Variants in NPAS3 observed in about 807,000 individuals in gnomAD.
NPAS3 encodes the protein neuronal PAS domain protein 3.
NPAS3 carries 14 observed loss-of-function variants against 73.1 expected under a neutral mutation model. The ratio of observed to expected loss-of-function variants is 0.19; its 90% CI spans 0.13 to 0.30. The LOEUF (loss-of-function observed/expected upper bound fraction) is 0.30, where lower values mean the gene tolerates loss of function less well. Ranked by LOEUF, NPAS3 falls within the 10% of genes least tolerant of loss-of-function variation. The probability of loss-of-function intolerance (pLI) is 1.00; values close to 1 mark genes in which losing one functional copy is unlikely to be tolerated. For missense variants in NPAS3, 1,096 were observed against 1,250.0 expected (o/e 0.88, Z 1.86); for synonymous variants, 620 against 541.5 (o/e 1.14, Z -2.01).
At chr14:33,704,076 A>G (rs546492689) in intron 6 of NPAS3, among the ~76,000 whole-genome samples, 1 of 152,362 alleles carries the variant, frequency 6.6e-6, no homozygotes, top group Admixed American at 6.5e-5. Flanking sequence ...TCAAAGGACT[A>G]TGTGAGGATG....
intron 5 of NPAS3, among the ~76,000 whole-genome samples, chr14:33,566,228 C>T (rs1267778139): frequency 6.6e-6 from 1 of 150,994 alleles, no homozygotes; most frequent in Admixed American, 6.6e-5. Flanking sequence ...TTGATTTTTC[C>T]CCCCCGAAAA....
chr14:33,108,547 A>T (rs1336545875), intron 2 of NPAS3, among the ~76,000 whole-genome samples: 1 of 152,166 alleles, frequency 6.6e-6, no homozygotes, highest in Non-Finnish European at 1.5e-5. Flanking sequence ...TATGAAATAG[A>T]TGCTGTGAGT....
intron 2 of NPAS3, among the ~76,000 whole-genome samples, chr14:33,069,337 T>G (rs2041399046): frequency 6.6e-6 from 1 of 152,246 alleles, no homozygotes; most frequent in Admixed American, 6.5e-5. Flanking sequence ...GCTATGTGTA[T>G]GTACGGATAA....
chr14:33,698,648 G>A (rs2060450713), intron 6 of NPAS3, among the ~76,000 whole-genome samples: 1 of 152,128 alleles, frequency 6.6e-6, no homozygotes, highest in Non-Finnish European at 1.5e-5. Flanking sequence ...CTAAACGTTA[G>A]CTTTAAAAGC....
At chr14:33,131,038 G>A (rs1383259016) in intron 2 of NPAS3, among the ~76,000 whole-genome samples, 3 of 152,018 alleles carry the variant, frequency 2.0e-5, no homozygotes, top group Admixed American at 1.3e-4. Context: ...CATTCAGCTG[G>A]GCTTTATTAT....
At chr14:33,286,634 A>G (rs1309217685) in intron 3 of NPAS3, among the ~76,000 whole-genome samples, 2 of 151,792 alleles carry the variant, frequency 1.3e-5, no homozygotes, top group African/African-American at 2.4e-5. Flanking sequence ...ATTATAAGTG[A>G]TGATAGCATG....
chr14:33,358,753 G>A (rs775243049), intron 3 of NPAS3, among the ~76,000 whole-genome samples: 42 of 152,278 alleles, frequency 2.8e-4, no homozygotes, highest in African/African-American at 9.4e-4. Flanking sequence ...ACAGATAGGG[G>A]CTCAACAAAT....
intron 6 of NPAS3, among the ~76,000 whole-genome samples, chr14:33,687,009 G>A (rs1451594894): frequency 1.3e-5 from 2 of 152,212 alleles, no homozygotes; most frequent in Non-Finnish European, 2.9e-5. Context: ...TAACCCAGAA[G>A]TGAGTGAATA....
chr14:33,767,232 C>T (rs548800650), intron 7 of NPAS3, among the ~76,000 whole-genome samples: 1 of 152,306 alleles, frequency 6.6e-6, no homozygotes, highest in African/African-American at 2.4e-5. Flanking sequence ...TGGTCTAAAT[C>T]CTGGAAGCCC....
intron 6 of NPAS3, among the ~76,000 whole-genome samples, chr14:33,713,608 G>T (rs1251108092): frequency 6.6e-6 from 1 of 152,096 alleles, no homozygotes; most frequent in South Asian, 2.1e-4. Context: ...CTGTTGCTTC[G>T]AGATACATCT....
intron 3 of NPAS3, among the ~76,000 whole-genome samples, chr14:33,346,601 A>AGAAAATT (rs1467033621): frequency 1.3e-5 from 2 of 152,130 alleles, no homozygotes; most frequent in African/African-American, 4.8e-5. Flanking sequence ...TTTGCCCTCA[A>AGAAAATT]GAAAATTAGG....
At chr14:33,062,713 C>A (rs762645670) in intron 2 of NPAS3, among the ~76,000 whole-genome samples, 6 of 152,312 alleles carry the variant, frequency 3.9e-5, no homozygotes, top group South Asian at 2.1e-4. Context: ...CCACAACGAG[C>A]CTTTTGTAGG....
chr14:33,271,329 C>T (rs1252787120), intron 3 of NPAS3, among the ~76,000 whole-genome samples: 1 of 152,142 alleles, frequency 6.6e-6, no homozygotes, highest in East Asian at 1.9e-4. Flanking sequence ...AGTTTTCACA[C>T]AGAAAGGCAA....
intron 3 of NPAS3, among the ~76,000 whole-genome samples, chr14:33,249,397 C>T (rs2048500341): frequency 6.7e-6 from 1 of 150,190 alleles, no homozygotes; most frequent in Admixed American, 6.6e-5. Flanking sequence ...ATGTGGATGT[C>T]ATGGAATGCC....
At chr14:33,090,754 C>T (rs1020573862) in intron 2 of NPAS3, among the ~76,000 whole-genome samples, 1 of 152,198 alleles carries the variant, frequency 6.6e-6, no homozygotes, top group South Asian at 2.1e-4. Context: ...GGAAGTAAAG[C>T]ACTCCTTAGC....
At position 33,590,285 on chromosome 14, in the gene NPAS3, A is replaced by G. The variant is rs141763898; in HGVS notation, c.558+30075A>G. 5.8e-4 allele frequency among the ~76,000 whole-genome samples: 89 copies of G among 152,306 alleles called. 1 individual carries two copies. In the Middle Eastern group the frequency reaches 0.024, roughly 41 times the overall value. On this transcript the variant is annotated intron_variant, in intron 5 of 11. Coordinates refer to ENST00000356141, the Ensembl canonical transcript of NPAS3. ...GAAGACCTCCATCTGTTGGTTTTTA[A>G]ACACTGAAGTCAGAGCTCTGCATTT...
Position 33,150,690 on chromosome 14 carries a change from C to T in NPAS3, c.141-64492C>T, listed in dbSNP as rs548337805. 3.3e-5 allele frequency among the ~76,000 whole-genome samples: 5 copies of T among 152,314 alleles called. No individual in the cohort carries two copies. The South Asian group carries it at 1.0e-3, about 32-fold the overall frequency. ...TATTTCTTCTGTATTCAGAAATTAT[C>T]CCCACTTAGCAATAGGTGAAATGAT... is the stretch of plus-strand genomic sequence containing the variant. On this transcript the variant is annotated intron_variant, in intron 2 of 11. Coordinates refer to ENST00000356141, the Ensembl canonical transcript of NPAS3.
chr14:33,498,964 G>T (rs956671290), intron 4 of NPAS3, among the ~76,000 whole-genome samples: 2 of 150,088 alleles, frequency 1.3e-5, no homozygotes, highest in Non-Finnish European at 3.0e-5. Context: ...GTGTGTGTGT[G>T]TGTGTGTGTG....
chr14:33,251,327 C>T (rs1167265361), intron 3 of NPAS3, among the ~76,000 whole-genome samples: 1 of 152,034 alleles, frequency 6.6e-6, no homozygotes, highest in Admixed American at 6.6e-5. Context: ...AAAATTAATG[C>T]TATGTATTTG....
Sources: allele counts gnomAD v4.1 joint callset (sites outside exome capture counted in the v4.1 genomes callset), GRCh38; gene constraint gnomAD v4.1.1; transcripts MANE v1.5; gene names NCBI Gene and HGNC (gene_info 2026-07-23, HGNC 2026-07-21).